RNF139: variants seen among roughly 807,000 people sequenced by gnomAD.
RNF139 encodes ring finger protein 139, also known as E3 ubiquitin-protein ligase RNF139.
Under a neutral mutation model 49.5 loss-of-function variants are expected in RNF139, and 15 were observed. That is an observed-to-expected ratio of 0.30 (90% confidence interval 0.20 to 0.47). RNF139 has a LOEUF of 0.47. Ranked by LOEUF, RNF139 falls within the 20% of genes least tolerant of loss-of-function variation. RNF139 has a pLI of 1.00. For missense variants in RNF139, 619 were observed against 806.3 expected, an observed-to-expected ratio of 0.77 and a Z score of 2.81; for synonymous variants, 325 against 300.9, an observed-to-expected ratio of 1.08 and a Z score of -0.83.
At chr8:124,484,917 A>G (rs548130903) in intron 1 of RNF139, among the ~76,000 whole-genome samples, 3 of 152,298 alleles carry the variant, frequency 2.0e-5, no homozygotes, top group African/African-American at 7.2e-5. Flanking sequence ...GGAAACTAGG[A>G]GGAAAAAAAA....
In RNF139 at chr8:124,487,334, C is replaced by T. The variant is rs751801288; in HGVS notation, c.1685C>T (p.Pro562Leu). 4.5e-5 allele frequency: 72 copies of T among 1,613,752 alleles called. No individual in the cohort carries two copies. Among genetic ancestry groups the T allele is most frequent in the Non-Finnish European group, 5.3e-5 (63 of 1,179,796 alleles). Residue 562 changes from proline (P) to leucine (L), a missense_variant, in exon 2 of 2, where the codon CCG becomes CTG. Pro to Leu is a moderately conservative substitution (Grantham distance 98, BLOSUM62 -3). Transcript: ENST00000303545. ...TTTACAACATCTGCTCGTATTACACCGTGTAATCATTATTTCCATGCACTT... is the reference window on the plus strand; with the variant it reads ...TTTACAACATCTGCTCGTATTACACTGTGTAATCATTATTTCCATGCACTT... The part of the protein sequence containing the change: ...HEFTTSARIT[P>L]CNHYFHALCL...
At chr8:124,479,917 G>C (rs1460951540) in intron 1 of RNF139, among the ~76,000 whole-genome samples, 2 of 152,004 alleles carry the variant, frequency 1.3e-5, no homozygotes, top group Non-Finnish European at 2.9e-5. Flanking sequence ...TCAATATATA[G>C]ACAGTCACTT....
rs1354602976 is a variant in RNF139 at position 124,486,591 on chromosome 8, A to G, written c.942A>G (p.Gly314=). 6.2e-7 allele frequency: 1 copy of G among 1,614,006 alleles called. No individual in the cohort carries two copies. The highest frequency in any genetic ancestry group is 1.3e-5 in the African/African-American group (1 of 74,894). ...YLGLGILAFI[G]STEEDDRRLG... ...GGCTTGGAATATTGGCCTTTATTGGATCAACTGAGGAAGATGACAGGCGTC... is the reference window on the plus strand; with the variant it reads ...GGCTTGGAATATTGGCCTTTATTGGGTCAACTGAGGAAGATGACAGGCGTC... The change falls in exon 2 of 2, where the codon GGA becomes GGG. Residue 314 remains glycine (G), a synonymous_variant. Transcript: ENST00000303545.
intron 1 of RNF139, among the ~76,000 whole-genome samples, chr8:124,484,415 G>C (rs1424064544): frequency 6.6e-6 from 1 of 150,746 alleles, no homozygotes; most frequent in Non-Finnish European, 1.5e-5. Context: ...GAGACAGACT[G>C]ATTGATTGGT....
chr8:124,479,992 C>T (rs1042265258), intron 1 of RNF139, among the ~76,000 whole-genome samples: 1 of 151,730 alleles, frequency 6.6e-6, no homozygotes, highest in Non-Finnish European at 1.5e-5. Context: ...AATAGCCATA[C>T]TTGGTGGTGG....
Position 124,487,081 on chromosome 8 carries a change from G to A in RNF139, c.1432G>A (p.Val478Ile). ...TATTATTGAATTTATATTTGGAGTT[G>A]TAATGTTTGGAAATGGGGCTTACAC... is the stretch of plus-strand genomic sequence containing the variant. ...GSIIEFIFGV[V>I]MFGNGAYTMM... Residue 478 changes from valine to isoleucine, a missense_variant, in exon 2 of 2, where the codon GTA (valine) becomes ATA (isoleucine). This residue lies in a region of RNF139 where 530 missense variants were observed against 728.9 expected (regional missense o/e 0.73). Transcript: ENST00000303545. 1 of 1,613,942 alleles carries A rather than the reference G, an allele frequency of 6.2e-7. No individual in the cohort carries two copies. The highest frequency in any genetic ancestry group is 8.5e-7 in the Non-Finnish European group (1 of 1,179,950).
At chr8:124,477,672 A>T (rs888861444) in intron 1 of RNF139, among the ~76,000 whole-genome samples, 1 of 152,240 alleles carries the variant, frequency 6.6e-6, no homozygotes, top group South Asian at 2.1e-4. Context: ...ATAAAATTCT[A>T]TGACAATATA....
chr8:124,484,031 A>G (rs953343563), intron 1 of RNF139, among the ~76,000 whole-genome samples: 2 of 152,222 alleles, frequency 1.3e-5, no homozygotes, highest in Non-Finnish European at 2.9e-5. Flanking sequence ...TGAGTGTTAA[A>G]TGTTTCACTA....
chr8:124,482,957 T>TTATATATATATATTATTTA (rs1554601154), intron 1 of RNF139, among the ~76,000 whole-genome samples: 42 of 90,354 alleles, frequency 4.6e-4, no homozygotes, highest in Non-Finnish European at 7.1e-4. Flanking sequence ...TATATATATA[T>TTATATATATATATTATTTA]AATATATATA....
At chr8:124,480,404 TAAAAAAAAAAAAAAA>T (rs34661621) in intron 1 of RNF139, among the ~76,000 whole-genome samples, 2 of 89,056 alleles carry the variant, frequency 2.2e-5, no homozygotes, top group Non-Finnish European at 4.5e-5. Context: ...ACTCCATCAC[TAAAAAAAAAAAAAAA>T]AAAAAAAGGA....
intron 1 of RNF139, among the ~76,000 whole-genome samples, chr8:124,483,019 A>C (rs1403603839): frequency 1.0e-5 from 1 of 99,100 alleles, no homozygotes; most frequent in African/African-American, 4.6e-5. Flanking sequence ...AAATATATAT[A>C]TATATTTAAA....
Position 124,485,967 on chromosome 8 carries a change from T to C in RNF139, c.318T>C (p.Tyr106=). ...NYYASLHIDF[Y]GAYNTSAFGI... is the part of the protein sequence containing the mutation. ...ATGCTTCTTTGCACATTGACTTCTA[T>C]GGTGCCTACAACACGTCAGCTTTTG... The change falls in exon 2 of 2, where the codon TAT becomes TAC. Residue 106 remains tyrosine, a synonymous_variant. Coordinates refer to ENST00000303545, the MANE Select transcript of RNF139 (RefSeq NM_007218.4). The C allele has an allele frequency of 6.2e-7, 1 of 1,614,240 alleles. No homozygotes were observed.
In RNF139 at chr8:124,486,307, G is replaced by A. The variant is rs1351519953; in HGVS notation, c.658G>A (p.Gly220Arg). 1.9e-6 allele frequency: 3 copies of A among 1,613,982 alleles called. No homozygotes were observed. Among genetic ancestry groups the A allele is most frequent in the South Asian group, 1.1e-5 (1 of 91,076 alleles). Residue 220 changes from glycine (G) to arginine (R), a missense_variant, in exon 2 of 2, where the codon GGA becomes AGA. By Grantham distance (125) the Gly-to-Arg change is moderately radical. Transcript: ENST00000303545. ...GGTGAGGCACATGTATCGAATTTAC[G>A]GATTACAGTTATTGATGGAGGACAC... is the stretch of plus-strand genomic sequence containing the variant. ...LLVRHMYRIY[G>R]LQLLMEDTWK...
At position 124,487,491 on chromosome 8, in the gene RNF139, A is replaced by T; in HGVS notation, c.1842A>T (p.Pro614=). ...NNGFIPPNET[P]EEAVREAAAE... is the part of the protein sequence containing the mutation. ...GATTTATTCCACCCAATGAAACTCC[A>T]GAGGAAGCTGTAAGAGAAGCTGCTG... is the stretch of plus-strand genomic sequence containing the variant. The change falls in exon 2 of 2, where the codon CCA becomes CCT. Residue 614 remains proline, a synonymous_variant. Transcript: ENST00000303545. 1 of 1,614,144 alleles carries T rather than the reference A, an allele frequency of 6.2e-7. No homozygotes were observed. Among genetic ancestry groups the T allele is most frequent in the Non-Finnish European group, 8.5e-7 (1 of 1,180,010 alleles).
rs750271436 is a variant in RNF139, at chr8:124,486,690, G to A, written c.1041G>A (p.Glu347=). ...QTGLSGLRPE[E]RLIRLSRNMC... Reference sequence around the variant, plus strand: ...GGTTAAGTGGGCTAAGACCAGAAGAGAGACTTATTCGCTTAAGTAGAAACA... The same window carrying A: ...GGTTAAGTGGGCTAAGACCAGAAGAAAGACTTATTCGCTTAAGTAGAAACA... Residue 347 remains glutamate, a synonymous_variant, in exon 2 of 2, where the codon GAG becomes GAA. Transcript: ENST00000303545. 1 of 1,614,120 alleles carries A rather than the reference G, an allele frequency of 6.2e-7. No individual in the cohort carries two copies. Among genetic ancestry groups the A allele is most frequent in the South Asian group, 1.1e-5 (1 of 91,078 alleles).
intron 1 of RNF139, among the ~76,000 whole-genome samples, chr8:124,476,016 A>G (rs1816308745): frequency 6.6e-6 from 1 of 152,198 alleles, no homozygotes; most frequent in Non-Finnish European, 1.5e-5. Flanking sequence ...CTTCCTTTCC[A>G]TCTTCACTTA....
In RNF139 at chr8:124,486,510, T is replaced by C. The variant is rs561882673; in HGVS notation, c.861T>C (p.Ser287=). 1.9e-6 allele frequency: 3 copies of C among 1,614,150 alleles called. No homozygotes were observed. The East Asian group carries it at 6.7e-5, about 36-fold the overall frequency. Residue 287 remains serine (S), a synonymous_variant, in exon 2 of 2, where the codon TCT becomes TCC. Coordinates refer to ENST00000303545, the MANE Select transcript of RNF139 (RefSeq NM_007218.4). ...ATCTTATAATTAGTGGGTGCGATTC[T>C]ACACTAACTGTACTGGGCATGAGTG... ...ICNLIISGCD[S]TLTVLGMSAV... is the part of the protein sequence containing the mutation.
chr8:124,486,500 G>A lies in RNF139; in HGVS notation c.851G>A (p.Gly284Glu), dbSNP rs768870665. The stretch of plus-strand genomic sequence containing the variant: ...CTCATTTGCAATCTTATAATTAGTG[G>A]GTGCGATTCTACACTAACTGTACTG... Reference protein sequence around the residue: ...WDLICNLIISGCDSTLTVLGM... With the variant: ...WDLICNLIISECDSTLTVLGM... Residue 284 changes from glycine to glutamate, a missense_variant, in exon 2 of 2, where the codon GGG becomes GAG. This residue lies in a region of RNF139 where 530 missense variants were observed against 728.9 expected (regional missense o/e 0.73). Transcript: ENST00000303545. The A allele has an allele frequency of 2.5e-6, 4 of 1,613,830 alleles. No individual in the cohort carries two copies. The highest frequency in any genetic ancestry group is 1.7e-6 in the Non-Finnish European group (2 of 1,179,846).
At chr8:124,483,642 A>T (rs1327037100) in intron 1 of RNF139, among the ~76,000 whole-genome samples, 1 of 151,754 alleles carries the variant, frequency 6.6e-6, no homozygotes, top group Non-Finnish European at 1.5e-5. Context: ...CCATGTTGAC[A>T]TGGTCTTGAA....
Sources: gnomAD v4.1 joint callset for allele counts (sites outside exome capture counted in the v4.1 genomes callset) on GRCh38, gnomAD v4.1.1 for gene constraint, gnomAD v4.1.1 regional missense constraint, MANE v1.5 for transcripts, NCBI Gene and HGNC (gene_info 2026-07-23, HGNC 2026-07-21) for gene names.